The following CTNNA3 variants were observed in gnomAD, a reference collection of about 807,000 sequenced individuals.
CTNNA3 encodes the protein catenin alpha-3.
CTNNA3 carries 76 observed loss-of-function variants against 95.7 expected under a neutral mutation model. The observed-to-expected ratio is 0.79, with a 90% CI of 0.66 to 0.96. CTNNA3 has a LOEUF of 0.96. Ranked by LOEUF, CTNNA3 falls within the 40% of genes least tolerant of loss-of-function variation. The probability of loss-of-function intolerance (pLI) is 0.00; values close to 1 mark genes in which losing one functional copy is unlikely to be tolerated. For synonymous variants in CTNNA3, 431 were observed against 374.4 expected (o/e 1.15, Z -1.74); for missense variants, 1,191 against 1,089.8 (o/e 1.09, Z -1.31).
chr10:67,750,152 A>T, intron 1 of CTNNA3: 2 of 890,114 alleles, frequency 2.2e-6, no homozygotes, highest in Non-Finnish European at 3.5e-6. Flanking sequence ...AAGAGCTGTA[A>T]CAGTTACCAC....
intron 7 of CTNNA3, among the ~76,000 whole-genome samples, chr10:66,882,468 C>T (rs772231164): frequency 1.3e-5 from 2 of 152,104 alleles, no homozygotes; most frequent in South Asian, 4.1e-4. Flanking sequence ...ACCCCATCTG[C>T]TATGTGCACC....
intron 7 of CTNNA3, among the ~76,000 whole-genome samples, chr10:67,134,448 A>C (rs7087242): frequency 0.63 from 95,649 of 151,924 alleles, 30,889 homozygotes; most frequent in African/African-American, 0.78. Flanking sequence ...TGAATTTCCT[A>C]ATAAAATAAT....
intron 3 of CTNNA3, among the ~76,000 whole-genome samples, chr10:67,594,961 TGTGA>T (rs143404200): frequency 0.013 from 1,936 of 152,254 alleles, 21 homozygotes; most frequent in Middle Eastern, 0.041. Context: ...AGCTCCCACT[TGTGA>T]GTGAGAACAC....
intron 7 of CTNNA3, among the ~76,000 whole-genome samples, chr10:66,875,413 GAAGA>G (rs1844578925): frequency 6.9e-6 from 1 of 144,656 alleles, no homozygotes; most frequent in Non-Finnish European, 1.5e-5. Context: ...AAAAAAAATA[GAAGA>G]AAGTAAATAG....
intron 7 of CTNNA3, among the ~76,000 whole-genome samples, chr10:67,176,231 G>T (rs904330232): frequency 2.0e-5 from 3 of 152,090 alleles, no homozygotes; most frequent in Non-Finnish European, 4.4e-5. Flanking sequence ...TTAATGCTTT[G>T]CAAAATAAGA....
chr10:66,015,738 T>C (rs2079082597), intron 15 of CTNNA3, among the ~76,000 whole-genome samples: 1 of 152,174 alleles, frequency 6.6e-6, no homozygotes, highest in Non-Finnish European at 1.5e-5. Flanking sequence ...TGTGTAAATA[T>C]TAGGATAAAG....
chr10:67,632,087 C>T (rs1340634188), intron 2 of CTNNA3, among the ~76,000 whole-genome samples: 2 of 148,602 alleles, frequency 1.3e-5, no homozygotes, highest in Non-Finnish European at 3.0e-5. Flanking sequence ...GTATTCTTTA[C>T]TTGAAATTTG....
intron 9 of CTNNA3, among the ~76,000 whole-genome samples, chr10:66,727,812 A>G (rs181208538): frequency 6.6e-6 from 1 of 152,298 alleles, no homozygotes; most frequent in Admixed American, 6.5e-5. Context: ...ACAAATGCAC[A>G]TCAAGTAATA....
intron 16 of CTNNA3, among the ~76,000 whole-genome samples, chr10:65,983,284 A>G (rs1262313534): frequency 6.6e-6 from 1 of 151,602 alleles, no homozygotes; most frequent in Admixed American, 6.6e-5. Context: ...AAAGTCTAAC[A>G]CTGTTCTCTC....
intron 1 of CTNNA3, among the ~76,000 whole-genome samples, chr10:67,683,055 G>A (rs1000412701): frequency 6.6e-6 from 1 of 152,160 alleles, no homozygotes; most frequent in African/African-American, 2.4e-5. Context: ...TTAGCAAGCA[G>A]AGGAGAATAC....
chr10:66,575,800 C>T (rs1277028500), intron 10 of CTNNA3, among the ~76,000 whole-genome samples: 2 of 152,110 alleles, frequency 1.3e-5, no homozygotes, highest in Admixed American at 1.3e-4. Context: ...GGTTAGATTT[C>T]TAAGCCTCTT....
intron 13 of CTNNA3, among the ~76,000 whole-genome samples, chr10:66,121,533 C>A (rs1328594748): frequency 6.6e-6 from 1 of 151,894 alleles, no homozygotes. Flanking sequence ...TAGAACAGAT[C>A]AAAACTTGGA....
intron 9 of CTNNA3, among the ~76,000 whole-genome samples, chr10:66,721,060 G>C (rs1405578570): frequency 1.3e-5 from 2 of 152,218 alleles, no homozygotes; most frequent in South Asian, 2.1e-4. Flanking sequence ...TTTTTGGACT[G>C]GTCCCCAGGT....
At chr10:66,533,568 G>A (rs963225279) in intron 10 of CTNNA3, among the ~76,000 whole-genome samples, 4 of 152,040 alleles carry the variant, frequency 2.6e-5, no homozygotes, top group Non-Finnish European at 5.9e-5. Flanking sequence ...ACTTTCCATT[G>A]TTATAAAAAA....
intron 16 of CTNNA3, among the ~76,000 whole-genome samples, chr10:65,980,947 C>A (rs561305010): frequency 6.6e-6 from 1 of 152,130 alleles, no homozygotes; most frequent in African/African-American, 2.4e-5. Context: ...CAAGGATGAC[C>A]ACTTTCACCG....
At chr10:66,405,029 G>A (rs2093046892) in intron 11 of CTNNA3, among the ~76,000 whole-genome samples, 1 of 152,180 alleles carries the variant, frequency 6.6e-6, no homozygotes, top group African/African-American at 2.4e-5. Context: ...TAAGGCCAGG[G>A]TGAGTTTGGT....
At chr10:67,145,620 G>A (rs201762979) in intron 7 of CTNNA3, among the ~76,000 whole-genome samples, 1 of 151,836 alleles carries the variant, frequency 6.6e-6, no homozygotes, top group East Asian at 2.0e-4. Flanking sequence ...TAGTAGAGAC[G>A]GGGTTTCACC....
intron 9 of CTNNA3, among the ~76,000 whole-genome samples, chr10:66,685,311 G>GTATATA (rs1847236853): frequency 3.5e-5 from 1 of 28,680 alleles, no homozygotes; most frequent in Non-Finnish European, 5.3e-5. Context: ...ATATATATGT[G>GTATATA]TGTGTGTATG....
At chr10:67,727,898 T>C (rs919551071) in intron 1 of CTNNA3, among the ~76,000 whole-genome samples, 2 of 133,506 alleles carry the variant, frequency 1.5e-5, no homozygotes, top group African/African-American at 2.8e-5. Context: ...TTATATTATG[T>C]ATAATATATT....
Sources: gnomAD v4.1 joint callset for allele counts (sites outside exome capture counted in the v4.1 genomes callset) on GRCh38, gnomAD v4.1.1 for gene constraint, MANE v1.5 for transcripts, NCBI Gene and HGNC (gene_info 2026-07-23, HGNC 2026-07-21) for gene names.